FIG4: variants seen among roughly 807,000 people sequenced by gnomAD.
FIG4 encodes the protein FIG4 phosphoinositide 5-phosphatase, also known as polyphosphoinositide phosphatase.
In FIG4, 112 loss-of-function variants were observed where a neutral mutation model predicts 118.6. That is an observed-to-expected ratio of 0.94 (90% CI 0.81 to 1.11). The LOEUF (loss-of-function observed/expected upper bound fraction) is 1.11. FIG4 is among the 50% of genes least tolerant of loss of function. The probability of loss-of-function intolerance (pLI) is 0.00; values close to 1 mark genes in which losing one functional copy is unlikely to be tolerated. For synonymous variants in FIG4, 369 were observed against 381.2 expected (o/e 0.97, Z 0.37); for missense variants, 969 against 1,111.7 (o/e 0.87, Z 1.83).
chr6:109,692,902 A>G (rs1223561621), intron 1 of FIG4, among the ~76,000 whole-genome samples: 1 of 152,146 alleles, frequency 6.6e-6, no homozygotes, highest in African/African-American at 2.4e-5. Flanking sequence ...GGGATTCTCC[A>G]TGTTGGCCAG....
At chr6:109,767,079 T>C (rs1393490075) in intron 15 of FIG4, among the ~76,000 whole-genome samples, 184 bp downstream of exon 15, 1 of 152,224 alleles carries the variant, frequency 6.6e-6, no homozygotes, top group Non-Finnish European at 1.5e-5. Flanking sequence ...AACATTTGTA[T>C]TTTAAATAGG....
At chr6:109,714,473 T>C (rs1775367302) in intron 1 of FIG4, among the ~76,000 whole-genome samples, 1 of 152,150 alleles carries the variant, frequency 6.6e-6, no homozygotes. Context: ...AAGACTAATG[T>C]GATTGTGTTT....
At chr6:109,764,942 A>G in intron 13 of FIG4, 71 bp from the exon 14 acceptor site, 1 of 1,092,322 alleles carries the variant, frequency 9.2e-7, no homozygotes, top group Non-Finnish European at 1.3e-6. Flanking sequence ...TTTCTTAAAG[A>G]AATCTAAAGT....
chr6:109,731,810 G>A (rs994986305), intron 4 of FIG4, among the ~76,000 whole-genome samples: 67 of 152,216 alleles, frequency 4.4e-4, no homozygotes, highest in African/African-American at 1.5e-3. Flanking sequence ...CACAGATACC[G>A]AGGGATGACT....
intron 3 of FIG4, among the ~76,000 whole-genome samples, chr6:109,720,642 C>T (rs1252598057): frequency 6.6e-6 from 1 of 152,232 alleles, no homozygotes; most frequent in African/African-American, 2.4e-5. Context: ...GGCAGATTCA[C>T]TGATCATGCA....
At chr6:109,703,753 T>TG (rs1300826251) in intron 1 of FIG4, among the ~76,000 whole-genome samples, 3 of 152,314 alleles carry the variant, frequency 2.0e-5, no homozygotes, top group African/African-American at 7.2e-5. Context: ...TCAGATGCTC[T>TG]GTCCTTATCG....
At chr6:109,769,388 G>A (rs948498830) in intron 15 of FIG4, among the ~76,000 whole-genome samples, 2 of 152,032 alleles carry the variant, frequency 1.3e-5, no homozygotes, top group Admixed American at 6.6e-5. Flanking sequence ...ACTGAAAGAG[G>A]AACTACCGTG....
rs369644201 is a variant in FIG4 at position 109,754,268 on chromosome 6, C to T, written c.1138-5982C>T. 2.1e-4 allele frequency among the ~76,000 whole-genome samples: 32 copies of T among 152,188 alleles called. 1 individual carries two copies. In the East Asian group the frequency reaches 3.3e-3, roughly 16 times the overall value. On this transcript the variant is annotated intron_variant, in intron 10 of 22. Coordinates refer to ENST00000230124, the MANE Select transcript of FIG4 (RefSeq NM_014845.6). ...TATTGATTTGTGTATATTGAACCAG[C>T]CTTGCATCCCAGGGATGAAGCCCAC...
At chr6:109,749,638 C>T (rs998347997) in intron 10 of FIG4, among the ~76,000 whole-genome samples, 2 of 64,412 alleles carry the variant, frequency 3.1e-5, no homozygotes, top group Non-Finnish European at 6.8e-5. Flanking sequence ...TCATGTTTTA[C>T]AGAGTTCGTA....
At chr6:109,806,232 A>T (rs1778560588) in intron 22 of FIG4, among the ~76,000 whole-genome samples, 1 of 152,076 alleles carries the variant, frequency 6.6e-6, no homozygotes, top group Non-Finnish European at 1.5e-5. Context: ...AATTTAGTTT[A>T]TTGTTTGTTA....
intron 22 of FIG4, among the ~76,000 whole-genome samples, chr6:109,798,044 ATTGT>A (rs976983985): frequency 1.3e-5 from 2 of 151,986 alleles, no homozygotes; most frequent in Admixed American, 1.3e-4. Flanking sequence ...TGATCAATTA[ATTGT>A]TTATTTGAAT....
chr6:109,786,558 G>A, intron 18 of FIG4, 109 bp downstream of exon 18: 7 of 1,240,532 alleles, frequency 5.6e-6, no homozygotes, highest in Non-Finnish European at 8.2e-6. Context: ...CCTTCTGTCA[G>A]GTGGGTAGTC....
At chr6:109,737,627 A>G (rs1206804822) in intron 6 of FIG4, among the ~76,000 whole-genome samples, 1 of 152,184 alleles carries the variant, frequency 6.6e-6, no homozygotes, top group Non-Finnish European at 1.5e-5. Context: ...CTATTATCTT[A>G]TAAACATACT....
intron 1 of FIG4, among the ~76,000 whole-genome samples, chr6:109,702,720 G>A (rs1175701091): frequency 1.3e-5 from 2 of 151,926 alleles, no homozygotes; most frequent in Non-Finnish European, 2.9e-5. Context: ...TGAACTAGGG[G>A]CCCTTTGCTT....
chr6:109,820,489 G>A (rs777619578), intron 22 of FIG4, among the ~76,000 whole-genome samples: 14 of 152,054 alleles, frequency 9.2e-5, no homozygotes, highest in Non-Finnish European at 1.5e-4. Flanking sequence ...AAGGGAACAG[G>A]TCCGGCAAGA....
chr6:109,698,584 C>T (rs1403696358), intron 1 of FIG4, among the ~76,000 whole-genome samples: 1 of 152,164 alleles, frequency 6.6e-6, no homozygotes, highest in Non-Finnish European at 1.5e-5. Context: ...TGTTTTTTAT[C>T]TTAGAGGGAA....
At chr6:109,707,279 G>A (rs543236782) in intron 1 of FIG4, among the ~76,000 whole-genome samples, 15 of 145,428 alleles carry the variant, frequency 1.0e-4, no homozygotes, top group South Asian at 4.4e-4. Flanking sequence ...GTGTGTGTGT[G>A]TATATATATA....
At chr6:109,697,577 A>G (rs1362079402) in intron 1 of FIG4, among the ~76,000 whole-genome samples, 1 of 152,156 alleles carries the variant, frequency 6.6e-6, no homozygotes, top group Non-Finnish European at 1.5e-5. Context: ...CAAGAGAAAC[A>G]AGGAGGAAAC....
chr6:109,730,747 A>G (rs1352829880), intron 4 of FIG4, among the ~76,000 whole-genome samples: 1 of 152,192 alleles, frequency 6.6e-6, no homozygotes, highest in Non-Finnish European at 1.5e-5. Context: ...CCATTCTCTG[A>G]TAATATTCAG....
Sources: gnomAD v4.1 joint callset for allele counts (sites outside exome capture counted in the v4.1 genomes callset) on GRCh38, gnomAD v4.1.1 for gene constraint, MANE v1.5 for transcripts, NCBI Gene and HGNC (gene_info 2026-07-23, HGNC 2026-07-21) for gene names.